Variants in PTGER3 observed in about 807,000 individuals in gnomAD.
The protein encoded by PTGER3 is prostaglandin E receptor 3.
Under a neutral mutation model 34.7 loss-of-function variants are expected in PTGER3, and 22 were observed. The observed-to-expected ratio is 0.63, with a 90% CI of 0.45 to 0.91. The LOEUF is 0.91. PTGER3 is among the 40% of genes least tolerant of loss of function. The pLI, the probability that PTGER3 is intolerant of heterozygous loss-of-function variation, is 0.00. For synonymous variants in PTGER3, 241 were observed against 230.1 expected (o/e 1.05, Z -0.43); for missense variants, 468 against 519.4 (o/e 0.90, Z 0.96).
At chr1:70,868,095 G>T (rs1646081896) in intron 4 of PTGER3, among the ~76,000 whole-genome samples, 1 of 152,066 alleles carries the variant, frequency 6.6e-6, no homozygotes, top group Admixed American at 6.6e-5. Context: ...CCATGCTGTT[G>T]TATATCCCAG....
chr1:70,972,340 CATTA>C (rs1205612653), intron 3 of PTGER3, among the ~76,000 whole-genome samples: 2 of 151,970 alleles, frequency 1.3e-5, no homozygotes, highest in African/African-American at 4.8e-5. Flanking sequence ...ATAATTAATT[CATTA>C]ATTAAAGTAT....
At chr1:70,876,702 T>C (rs902479232) in intron 4 of PTGER3, among the ~76,000 whole-genome samples, 6 of 152,116 alleles carry the variant, frequency 3.9e-5, no homozygotes, top group Non-Finnish European at 8.8e-5. Context: ...CACCATTTAT[T>C]GAATAGGGAG....
intron 2 of PTGER3, among the ~76,000 whole-genome samples, chr1:70,992,314 T>A (rs1655548637): frequency 6.6e-6 from 1 of 152,242 alleles, no homozygotes; most frequent in Non-Finnish European, 1.5e-5. Context: ...ACAAGCCACT[T>A]AAACTCTCTC....
chr1:70,874,384 C>G (rs961807722), intron 4 of PTGER3, among the ~76,000 whole-genome samples: 1 of 152,182 alleles, frequency 6.6e-6, no homozygotes, highest in Admixed American at 6.5e-5. Flanking sequence ...GACTCAATTG[C>G]GTGTTGCCAT....
At chr1:70,985,927 T>C (rs1345553161) in intron 2 of PTGER3, among the ~76,000 whole-genome samples, 4 of 152,174 alleles carry the variant, frequency 2.6e-5, no homozygotes, top group Admixed American at 2.6e-4. Context: ...TGAAATCTAC[T>C]GGGCTGCATT....
At chr1:70,899,016 T>C (rs546433433) in intron 4 of PTGER3, among the ~76,000 whole-genome samples, 2 of 151,554 alleles carry the variant, frequency 1.3e-5, no homozygotes, top group Middle Eastern at 3.4e-3. Flanking sequence ...CTTAGCCTGA[T>C]GCTTGAAGAA....
At chr1:71,027,736 A>T (rs12757161) in intron 1 of PTGER3, among the ~76,000 whole-genome samples, 56,777 of 151,874 alleles carry the variant, frequency 0.37, 11,521 homozygotes, top group South Asian at 0.46. Context: ...GATTTTTTTT[A>T]AAAAAGTAAA....
intron 4 of PTGER3, among the ~76,000 whole-genome samples, chr1:70,883,728 C>A (rs1646439938): frequency 6.6e-6 from 1 of 152,172 alleles, no homozygotes; most frequent in Non-Finnish European, 1.5e-5. Context: ...GCGACTTTGA[C>A]ATTTTCATGC....
At chr1:70,929,699 T>C (rs1648508956) in intron 4 of PTGER3, among the ~76,000 whole-genome samples, 1 of 152,188 alleles carries the variant, frequency 6.6e-6, no homozygotes, top group African/African-American at 2.4e-5. Context: ...TGACGAACGA[T>C]GGAGAAATAA....
At chr1:71,009,363 T>C (rs1657242467) in intron 2 of PTGER3, 1 of 979,838 alleles carries the variant, frequency 1.0e-6, no homozygotes, top group Non-Finnish European at 1.2e-6. Context: ...TTCAGACTAG[T>C]TTAAATCTGG....
chr1:70,999,890 C>A (rs1180339582), intron 2 of PTGER3, among the ~76,000 whole-genome samples: 1 of 152,150 alleles, frequency 6.6e-6, no homozygotes, highest in African/African-American at 2.4e-5. Context: ...AATAGTTTCT[C>A]CACTGCAGAA....
chr1:70,868,678 A>C (rs1214031817), intron 4 of PTGER3, among the ~76,000 whole-genome samples: 1 of 152,216 alleles, frequency 6.6e-6, no homozygotes, highest in African/African-American at 2.4e-5. Context: ...TTCTAGAACA[A>C]GAATGAAAAT....
downstream of PTGER3, among the ~76,000 whole-genome samples, chr1:70,967,749 T>G (rs997303411): frequency 6.6e-6 from 1 of 152,150 alleles, no homozygotes; most frequent in Non-Finnish European, 1.5e-5. Flanking sequence ...TTGAAAAACT[T>G]TTTCTCTTAG....
At chr1:70,893,026 T>TA (rs80160941) in intron 4 of PTGER3, among the ~76,000 whole-genome samples, 347 of 147,996 alleles carry the variant, frequency 2.3e-3, no homozygotes, top group African/African-American at 7.2e-3. Context: ...AATGTCCAAC[T>TA]AAAAAAAAAA....
chr1:70,867,273 T>C (rs962701981), intron 4 of PTGER3, among the ~76,000 whole-genome samples: 1 of 152,256 alleles, frequency 6.6e-6, no homozygotes, highest in African/African-American at 2.4e-5. Flanking sequence ...CTCTGCATTA[T>C]GTTGCAGGCT....
intron 2 of PTGER3, chr1:71,010,375 T>G (rs1024218007): frequency 2.0e-6 from 2 of 984,868 alleles, no homozygotes; most frequent in Admixed American, 6.2e-5. Flanking sequence ...TCATATGGTA[T>G]GTGCCTTGCC....
chr1:70,968,909 T>C (rs1393320824), downstream of PTGER3, among the ~76,000 whole-genome samples: 2 of 152,088 alleles, frequency 1.3e-5, no homozygotes, highest in African/African-American at 4.8e-5. Flanking sequence ...AAACATGCTA[T>C]GTAAAACTTC....
chr1:70,927,150 G>A (rs1042574816), intron 4 of PTGER3, among the ~76,000 whole-genome samples: 58 of 152,212 alleles, frequency 3.8e-4, no homozygotes, highest in African/African-American at 1.4e-3. Context: ...CTCTTTTTTG[G>A]TTTTGTCTCT....
At chr1:70,947,788 T>C (rs550619194), downstream of PTGER3, among the ~76,000 whole-genome samples, 62 of 152,274 alleles carry the variant, frequency 4.1e-4, no homozygotes, top group African/African-American at 1.4e-3. Flanking sequence ...AAATAAACAA[T>C]GTGATATGGT....
Sources: gnomAD v4.1 joint callset for allele counts (sites outside exome capture counted in the v4.1 genomes callset) on GRCh38, gnomAD v4.1.1 for gene constraint, MANE v1.5 for transcripts, NCBI Gene and HGNC (gene_info 2026-07-23, HGNC 2026-07-21) for gene names.